TENM3: variants seen among roughly 807,000 people sequenced by gnomAD.
The protein encoded by TENM3 is teneurin transmembrane protein 3.
TENM3 carries 63 observed loss-of-function variants against 255.1 expected under a neutral mutation model. The observed-to-expected ratio is 0.25, with a 90% CI of 0.20 to 0.30. The LOEUF is 0.30. Among genes scored for constraint, TENM3 ranks in the 10% least tolerant of loss-of-function variants. The pLI, the probability that TENM3 is intolerant of heterozygous loss-of-function variation, is 1.00. For missense variants in TENM3, 2,929 were observed against 3,461.1 expected (o/e 0.85, Z 3.86); for synonymous variants, 1,306 against 1,322.3 (o/e 0.99, Z 0.27).
intron 4 of TENM3, among the ~76,000 whole-genome samples, chr4:182,611,406 ATAGT>A (rs1326294304): frequency 1.3e-5 from 2 of 151,384 alleles, no homozygotes; most frequent in African/African-American, 4.8e-5. Context: ...TATATTTATA[ATAGT>A]TAAATATAAG....
At chr4:181,973,320 G>A in the TENM3 span, among the ~76,000 whole-genome samples, 1 of 151,958 alleles carries the variant, frequency 6.6e-6, no homozygotes, top group African/African-American at 2.4e-5. Flanking sequence ...TATCTAGGGT[G>A]GATAGAAAAC....
intron 1 of TENM3, among the ~76,000 whole-genome samples, chr4:182,157,831 A>G (rs566175167): frequency 1.3e-5 from 2 of 152,324 alleles, no homozygotes; most frequent in South Asian, 2.1e-4. Context: ...AGCAAGCCCA[A>G]CTTCACGAAC....
chr4:182,633,490 GA>G (rs1164551944), intron 5 of TENM3, among the ~76,000 whole-genome samples: 1 of 152,202 alleles, frequency 6.6e-6, no homozygotes, highest in Non-Finnish European at 1.5e-5. Context: ...TTGGGGGAAA[GA>G]CTTGATCTGG....
chr4:181,989,112 T>C, the TENM3 span, among the ~76,000 whole-genome samples: 15 of 152,268 alleles, frequency 9.9e-5, no homozygotes, highest in Admixed American at 5.2e-4. Context: ...TTAATTACTA[T>C]GTTGACTTGA....
rs765088454 is a variant in TENM3 at position 182,793,485 on chromosome 4, C to G, written c.6813C>G (p.Thr2271=). The G allele has an allele frequency of 6.4e-5, 103 of 1,613,812 alleles. No homozygotes were observed. The highest frequency in any genetic ancestry group is 7.9e-5 in the Non-Finnish European group (93 of 1,179,886). Residue 2271 remains threonine, a synonymous_variant, in exon 26 of 28, where the codon ACC becomes ACG. Coordinates refer to ENST00000511685, the MANE Select transcript of TENM3 (RefSeq NM_001080477.4). This position sits in a 1 kb window ranked among gnomAD's most constrained non-coding sequence, Gnocchi z 5.7. Reference sequence around the variant, plus strand: ...ACAACCATTCGAGTTCAGAAATTACCTCCCTGTATTATGATCTCCAAGGAC... The same window carrying G: ...ACAACCATTCGAGTTCAGAAATTACGTCCCTGTATTATGATCTCCAAGGAC... ...HVYNHSSSEI[T]SLYYDLQGHL... is the part of the protein sequence containing the mutation.
In TENM3 at chr4:182,775,009, G is replaced by T. The variant is rs202038436; in HGVS notation, c.5160G>T (p.Pro1720=). The T allele has an allele frequency of 1.2e-6, 2 of 1,613,932 alleles. No homozygotes were observed. Among genetic ancestry groups the T allele is most frequent in the Non-Finnish European group, 1.7e-6 (2 of 1,179,858 alleles). ...SGLDSHYQTE[P]HVLAGTANPT... is the part of the protein sequence containing the mutation. ...TGGACTCACACTACCAAACAGAGCC[G>T]CACGTTCTGGCTGGCACCGCTAATC... Residue 1720 remains proline (P), a synonymous_variant, in exon 24 of 28, where the codon CCG becomes CCT. Transcript: ENST00000511685.
At chr4:181,945,697 C>T in the TENM3 span, among the ~76,000 whole-genome samples, 1 of 152,074 alleles carries the variant, frequency 6.6e-6, no homozygotes, top group Non-Finnish European at 1.5e-5. Flanking sequence ...TGATAGAGCA[C>T]TGGCTTTTTA....
chr4:182,448,799 G>C (rs964877257), intron 3 of TENM3, among the ~76,000 whole-genome samples: 1 of 151,816 alleles, frequency 6.6e-6, no homozygotes, highest in Admixed American at 6.6e-5. Context: ...TGTGTGGAGC[G>C]GGGCGAGGGG....
the TENM3 span, among the ~76,000 whole-genome samples, chr4:181,583,337 G>A: frequency 2.0e-5 from 3 of 152,078 alleles, no homozygotes; most frequent in Non-Finnish European, 4.4e-5. Flanking sequence ...TGATTTGTGT[G>A]GGCAACATGG....
the TENM3 span, among the ~76,000 whole-genome samples, chr4:181,890,545 A>G: frequency 1.3e-5 from 2 of 152,180 alleles, no homozygotes; most frequent in African/African-American, 4.8e-5. Flanking sequence ...TCTAAATGTC[A>G]ATATTCATTG....
At chr4:182,275,272 C>T (rs1759925045) in intron 1 of TENM3, among the ~76,000 whole-genome samples, 1 of 152,144 alleles carries the variant, frequency 6.6e-6, no homozygotes, top group Admixed American at 6.5e-5. Context: ...CAGGAAAGAC[C>T]ATAAGAAACA....
At chr4:181,866,622 G>A in the TENM3 span, among the ~76,000 whole-genome samples, 1 of 152,192 alleles carries the variant, frequency 6.6e-6, no homozygotes, top group Non-Finnish European at 1.5e-5. Flanking sequence ...GCCCTGGTGT[G>A]TGTAGAATAA....
chr4:181,696,677 G>A, the TENM3 span, among the ~76,000 whole-genome samples: 1 of 152,174 alleles, frequency 6.6e-6, no homozygotes, highest in African/African-American at 2.4e-5. Flanking sequence ...TGGCCCATAA[G>A]ACTGTACGCA....
chr4:182,741,932 C>T (rs1159975821), intron 18 of TENM3, among the ~76,000 whole-genome samples: 1 of 152,174 alleles, frequency 6.6e-6, no homozygotes, highest in Non-Finnish European at 1.5e-5. Flanking sequence ...GGGGAAAAAG[C>T]ACTTTCTCAA....
chr4:181,528,294 T>C, the TENM3 span, among the ~76,000 whole-genome samples: 10 of 152,210 alleles, frequency 6.6e-5, no homozygotes, highest in Non-Finnish European at 1.5e-4. Context: ...TCAGATCAAG[T>C]AGTAGCATAA....
At chr4:182,586,362 G>A (rs1331449621) in intron 3 of TENM3, among the ~76,000 whole-genome samples, 1 of 152,130 alleles carries the variant, frequency 6.6e-6, no homozygotes, top group Non-Finnish European at 1.5e-5. Flanking sequence ...TGTCATATAC[G>A]TGATCTTACT....
intron 3 of TENM3, among the ~76,000 whole-genome samples, chr4:182,545,443 C>T (rs1463492665): frequency 6.6e-6 from 1 of 151,944 alleles, no homozygotes; most frequent in Non-Finnish European, 1.5e-5. Flanking sequence ...CAGTTGCCTC[C>T]TGCTTGGTTT....
At chr4:182,324,416 T>C (rs761036808) in intron 2 of TENM3, among the ~76,000 whole-genome samples, 164 bp downstream of exon 2, 1 of 152,216 alleles carries the variant, frequency 6.6e-6, no homozygotes, top group Non-Finnish European at 1.5e-5. Flanking sequence ...AGATGAGAGA[T>C]AGAAAGCCAC....
chr4:182,752,048 G>T lies in TENM3; in HGVS notation c.3862+16G>T. ...AGTCCCAAAGGTACCGGCAGTTGGC[G>T]ATTTGAGGATTTCTTTTTATTTATT... On this transcript the variant is annotated intron_variant, in intron 20 of 27. Coordinates refer to ENST00000511685, the MANE Select transcript of TENM3 (RefSeq NM_001080477.4). 1 of 1,364,648 alleles carries T rather than the reference G, an allele frequency of 7.3e-7. No individual in the cohort carries two copies. Among genetic ancestry groups the T allele is most frequent in the Non-Finnish European group, 9.8e-7 (1 of 1,023,312 alleles). 84.5% of individuals were successfully genotyped at this position (1,364,648 alleles called of 1,614,324 possible). A position where few individuals can be genotyped will look rare whatever the true frequency, so the allele number is the denominator to read the frequency against.
Sources: gnomAD v4.1 joint callset for allele counts (sites outside exome capture counted in the v4.1 genomes callset) on GRCh38, gnomAD v4.1.1 for gene constraint, Gnocchi (gnomAD v3.1) non-coding constraint, MANE v1.5 for transcripts, NCBI Gene and HGNC (gene_info 2026-07-23, HGNC 2026-07-21) for gene names.